Variants in CASZ1 observed in about 807,000 individuals in gnomAD.
The protein encoded by CASZ1 is castor zinc finger 1.
In CASZ1, 28 loss-of-function variants were observed where a neutral mutation model predicts 135.2. The observed-to-expected ratio is 0.21, with a 90% confidence interval of 0.15 to 0.28. The LOEUF (loss-of-function observed/expected upper bound fraction) is 0.28. Among genes scored for constraint, CASZ1 ranks in the 10% least tolerant of loss-of-function variants. The pLI, the probability that CASZ1 is intolerant of heterozygous loss-of-function variation, is 1.00. For missense variants in CASZ1, 2,161 were observed against 2,453.3 expected, an observed-to-expected ratio of 0.88 and a Z score of 2.52; for synonymous variants, 1,068 against 1,073.4, an observed-to-expected ratio of 0.99 and a Z score of 0.10.
intron 2 of CASZ1, among the ~76,000 whole-genome samples, chr1:10,753,224 C>A (rs76431580): frequency 0.015 from 2,346 of 152,290 alleles, 60 homozygotes; most frequent in African/African-American, 0.054. Context: ...CAGCAGGTAG[C>A]CCCCGGCAGG....
chr1:10,743,095 G>A (rs1639957419), intron 2 of CASZ1, among the ~76,000 whole-genome samples: 1 of 152,116 alleles, frequency 6.6e-6, no homozygotes. Flanking sequence ...TATTCCCAAA[G>A]CCAGTTTTCC....
rs949393827 is a variant in CASZ1, at chr1:10,726,313, C to T, written c.-76-20769G>A. Among the ~76,000 whole-genome samples, 15 of 152,176 alleles carry T rather than the reference C, an allele frequency of 9.9e-5. 1 individual carries two copies. The highest frequency in any genetic ancestry group is 2.9e-4 in the African/African-American group (12 of 41,446). ...GAAATGAGGCTTGGGGAGGTGAAACCGGGTCTCCCCAGCTTGGGGCTACTG... is the reference window on the plus strand; with the variant it reads ...GAAATGAGGCTTGGGGAGGTGAAACTGGGTCTCCCCAGCTTGGGGCTACTG... On this transcript the variant is annotated intron_variant, in intron 2 of 20. Coordinates refer to ENST00000377022, the MANE Select transcript of CASZ1 (RefSeq NM_001079843.3). This position sits in a 1 kb window ranked among gnomAD's most constrained non-coding sequence, Gnocchi z 5.7.
At chr1:10,659,309 T>C (rs1480461035) in intron 6 of CASZ1, among the ~76,000 whole-genome samples, 1 of 139,312 alleles carries the variant, frequency 7.2e-6, no homozygotes, top group Admixed American at 6.9e-5. Flanking sequence ...AAGCCTGTCA[T>C]GGGCAGATGG....
intron 2 of CASZ1, among the ~76,000 whole-genome samples, chr1:10,744,313 T>C (rs1040002895): frequency 7.9e-6 from 1 of 127,186 alleles, no homozygotes; most frequent in Middle Eastern, 3.8e-3. Context: ...TTCTTGGGGG[T>C]GGGGTGGGGG....
At position 10,697,250 on chromosome 1, in the gene CASZ1, T is replaced by C. The variant is rs1028627058; in HGVS notation, c.-23-3338A>G. On this transcript the variant is annotated intron_variant, in intron 3 of 20. Coordinates refer to ENST00000377022, the MANE Select transcript of CASZ1 (RefSeq NM_001079843.3). This position sits in a 1 kb window ranked among gnomAD's most constrained non-coding sequence, Gnocchi z 4.7. ...GGCCCCCAGATTATGCGCCCCCCCC[T>C]TCTCTCTCTTTCTCTCTGAGTGTAT... Among the ~76,000 whole-genome samples, 6 of 140,130 alleles carry C rather than the reference T, an allele frequency of 4.3e-5. No individual in the cohort carries two copies. The highest frequency in any genetic ancestry group is 1.4e-4 in the Admixed American group (2 of 14,074). 91.9% of individuals were successfully genotyped at this position (140,130 alleles called of 152,430 possible).
In CASZ1 at chr1:10,639,540, T is replaced by A. The variant is rs771767807; in HGVS notation, c.4682A>T (p.Asp1561Val). The A allele has an allele frequency of 9.9e-6, 16 of 1,610,742 alleles. No homozygotes were observed. The South Asian group carries it at 1.8e-4, about 18-fold the overall frequency. Residue 1561 changes from aspartate to valine, a missense_variant, in exon 21 of 21, where the codon GAC (aspartate) becomes GTC (valine). Around this residue, in one of 7 missense-constraint regions of CASZ1, gnomAD observed 240 missense variants for 321.4 expected, o/e 0.75. Coordinates refer to ENST00000377022, the MANE Select transcript of CASZ1 (RefSeq NM_001079843.3). This position sits in a 1 kb window ranked among gnomAD's most constrained non-coding sequence, Gnocchi z 4.0. ...FSSSADCAVP[D>V]CKYKLKCSHF... is the part of the protein sequence containing the mutation. ...CGAGCACTTGAGCTTGTACTTGCAG[T>A]CGGGCACGGCGCAGTCGGCGCTGGA...
chr1:10,723,159 C>A (rs548683249), intron 2 of CASZ1, among the ~76,000 whole-genome samples: 3 of 152,156 alleles, frequency 2.0e-5, no homozygotes, highest in Non-Finnish European at 4.4e-5. Flanking sequence ...GTAAACCGGA[C>A]GTGGGAAGGC....
intron 2 of CASZ1, among the ~76,000 whole-genome samples, chr1:10,745,294 C>G (rs1435190085): frequency 1.3e-5 from 2 of 152,198 alleles, no homozygotes; most frequent in African/African-American, 4.8e-5. Context: ...CCCCAGGCAG[C>G]CTGCATCATG....
In CASZ1 at chr1:10,724,350, G is replaced by A. The variant is rs142537474; in HGVS notation, c.-76-18806C>T. ...CTACTAAAATATTTACCAGCCTGGCGAAGTGCCGAAGGTGCTTGGCACCGA... is the reference window on the plus strand; with the variant it reads ...CTACTAAAATATTTACCAGCCTGGCAAAGTGCCGAAGGTGCTTGGCACCGA... On this transcript the variant is annotated intron_variant, in intron 2 of 20. Transcript: ENST00000377022. This position sits in a 1 kb window ranked among gnomAD's most constrained non-coding sequence, Gnocchi z 4.1. Among the ~76,000 whole-genome samples, 2 of 152,336 alleles carry A rather than the reference G, an allele frequency of 1.3e-5. No homozygotes were observed. The highest frequency in any genetic ancestry group is 1.9e-4 in the East Asian group (1 of 5,192).
intron 5 of CASZ1, among the ~76,000 whole-genome samples, chr1:10,663,823 G>T (rs1404740470): frequency 6.6e-6 from 1 of 152,230 alleles, no homozygotes; most frequent in African/African-American, 2.4e-5. Context: ...GCCATTGGCA[G>T]TTCCAGGCCC....
intron 2 of CASZ1, among the ~76,000 whole-genome samples, chr1:10,745,790 TAGAAG>T (rs1285633362): frequency 1.3e-5 from 2 of 152,124 alleles, no homozygotes; most frequent in East Asian, 3.9e-4. Context: ...CCTACGGGTC[TAGAAG>T]ATGGAGTGAT....
At chr1:10,732,803 T>TTA (rs1639726032) in intron 2 of CASZ1, among the ~76,000 whole-genome samples, 1 of 152,166 alleles carries the variant, frequency 6.6e-6, no homozygotes. Context: ...TGGGCCACAC[T>TTA]TGCCCCATCA....
intron 4 of CASZ1, among the ~76,000 whole-genome samples, chr1:10,684,985 G>A (rs962994157): frequency 6.6e-6 from 1 of 152,252 alleles, no homozygotes; most frequent in Non-Finnish European, 1.5e-5. Context: ...CAAAGGTCGG[G>A]AGCCTCCTGG....
Position 10,697,181 on chromosome 1 carries a change from G to C in CASZ1, c.-23-3269C>G, listed in dbSNP as rs1488141234. Among the ~76,000 whole-genome samples, 1 of 152,216 alleles carries C rather than the reference G, an allele frequency of 6.6e-6. No homozygotes were observed. The highest frequency in any genetic ancestry group is 2.4e-5 in the African/African-American group (1 of 41,452). On this transcript the variant is annotated intron_variant, in intron 3 of 20. Transcript: ENST00000377022. This position sits in a 1 kb window ranked among gnomAD's most constrained non-coding sequence, Gnocchi z 4.7. ...ATGAAGGTCAGAGAAGGCGGCGGAG[G>C]CTTCGAGGTTGTGGGGTATGAGTCA... is the stretch of plus-strand genomic sequence containing the variant.
intron 1 of CASZ1, among the ~76,000 whole-genome samples, chr1:10,795,931 G>A (rs1043679076): frequency 1.3e-5 from 2 of 152,110 alleles, no homozygotes; most frequent in African/African-American, 4.8e-5. Flanking sequence ...CCGGGCACAA[G>A]AGCCGGCTGG....
intron 4 of CASZ1, among the ~76,000 whole-genome samples, chr1:10,686,907 CG>C (rs1309122066): frequency 1.3e-5 from 2 of 152,210 alleles, no homozygotes; most frequent in African/African-American, 4.8e-5. Flanking sequence ...CACCCCCTGC[CG>C]GGCAGTGGAG....
In CASZ1 at chr1:10,755,234, G is replaced by A. The variant is rs1246619643; in HGVS notation, c.-77+5467C>T. On this transcript the variant is annotated intron_variant, in intron 2 of 20. Coordinates refer to ENST00000377022, the MANE Select transcript of CASZ1 (RefSeq NM_001079843.3). This position sits in a 1 kb window ranked among gnomAD's most constrained non-coding sequence, Gnocchi z 4.3. ...GCTCTGGGCCTAAGGGCCTTCACCTGGACCAGGCTTATCCCTGGGTAGATT... is the reference window on the plus strand; with the variant it reads ...GCTCTGGGCCTAAGGGCCTTCACCTAGACCAGGCTTATCCCTGGGTAGATT... Among the ~76,000 whole-genome samples the A allele has an allele frequency of 2.0e-5, 3 of 152,220 alleles. No individual in the cohort carries two copies. Among genetic ancestry groups the A allele is most frequent in the African/African-American group, 2.4e-5 (1 of 41,462 alleles).
Position 10,650,971 on chromosome 1 carries a change from C to T in CASZ1, c.2786G>A (p.Arg929His), listed in dbSNP as rs148593753. 3.1e-5 allele frequency: 49 copies of T among 1,589,242 alleles called. No individual in the cohort carries two copies. Among genetic ancestry groups the T allele is most frequent in the Admixed American group, 5.8e-5 (3 of 51,698 alleles). ...CTCCTTCACAGTCAGGTCTAGACTGCGGTCCTGGGAGGCTTCGTGGGGGCC... is the reference window on the plus strand; with the variant it reads ...CTCCTTCACAGTCAGGTCTAGACTGTGGTCCTGGGAGGCTTCGTGGGGGCC... Reference protein sequence around the residue: ...APGPHEASQDRSLDLTVKEPS... With the variant: ...APGPHEASQDHSLDLTVKEPS... Residue 929 changes from arginine (R) to histidine (H), a missense_variant, in exon 12 of 21, where the codon CGC (arginine) becomes CAC (histidine). Arg to His is a conservative substitution (Grantham distance 29). This residue lies in a region of CASZ1 where 406 missense variants were observed against 387.6 expected (regional missense o/e 1.05). Coordinates refer to ENST00000377022, the MANE Select transcript of CASZ1 (RefSeq NM_001079843.3).
In CASZ1 at chr1:10,774,286, G is replaced by C. The variant is rs1375914662; in HGVS notation, c.-233-13429C>G. Among the ~76,000 whole-genome samples, 1 of 152,156 alleles carries C rather than the reference G, an allele frequency of 6.6e-6. No homozygotes were observed. Among genetic ancestry groups the C allele is most frequent in the Non-Finnish European group, 1.5e-5 (1 of 68,000 alleles). The stretch of plus-strand genomic sequence containing the variant: ...CGGAGAATCGGGAACCATTTCAAAA[G>C]CTAAACAATCTACCCCTTTTAAATG... On this transcript the variant is annotated intron_variant, in intron 1 of 20. Coordinates refer to ENST00000377022, the MANE Select transcript of CASZ1 (RefSeq NM_001079843.3). The surrounding 1 kb of genome is among the most constrained non-coding windows in gnomAD (Gnocchi z 4.4).
Sources: gnomAD v4.1 joint callset for allele counts (sites outside exome capture counted in the v4.1 genomes callset) on GRCh38, gnomAD v4.1.1 for gene constraint, gnomAD v4.1.1 regional missense constraint, Gnocchi (gnomAD v3.1) non-coding constraint, MANE v1.5 for transcripts, NCBI Gene and HGNC (gene_info 2026-07-23, HGNC 2026-07-21) for gene names.